The following CPT1C variants were observed in gnomAD, a reference collection of about 807,000 sequenced individuals.
CPT1C encodes the protein palmitoyl thioesterase CPT1C.
CPT1C carries 61 observed loss-of-function variants against 97.3 expected under a neutral mutation model. That is an observed-to-expected ratio of 0.63 (90% CI 0.51 to 0.78). The LOEUF is 0.78. Among genes scored for constraint, CPT1C ranks in the 30% least tolerant of loss-of-function variants. The pLI, the probability that CPT1C is intolerant of heterozygous loss-of-function variation, is 0.00. For synonymous variants in CPT1C, 469 were observed against 447.2 expected (o/e 1.05, Z -0.61); for missense variants, 975 against 1,065.5 (o/e 0.92, Z 1.18).
At chr19:49,697,550 T>G in intron 4 of CPT1C, 85 bp downstream of exon 4, 2 of 1,451,852 alleles carry the variant, frequency 1.4e-6, no homozygotes, top group East Asian at 2.3e-5. Context: ...GTGTACCTGC[T>G]AAAGAAAAGT....
Position 49,713,075 on chromosome 19 carries a change from C to G in CPT1C, c.2226+11C>G, listed in dbSNP as rs752712446. On this transcript the variant is annotated intron_variant, in intron 19 of 19. Coordinates refer to ENST00000598293, the MANE Select transcript of CPT1C (RefSeq NM_001199753.2). Reference sequence around the variant, plus strand: ...TCAAGCACAAAAACGGTGAGACAAACGTGTATACCCACCAACTCCCTCTTT... The same window carrying G: ...TCAAGCACAAAAACGGTGAGACAAAGGTGTATACCCACCAACTCCCTCTTT... 5 of 1,603,496 alleles carry G rather than the reference C, an allele frequency of 3.1e-6. No individual in the cohort carries two copies. Among genetic ancestry groups the G allele is most frequent in the South Asian group, 2.2e-5 (2 of 90,840 alleles).
At chr19:49,702,110 ATATTTATT>A (rs1189976267) in intron 7 of CPT1C, among the ~76,000 whole-genome samples, 1 of 31,760 alleles carries the variant, frequency 3.1e-5, no homozygotes, top group Admixed American at 3.8e-4. Context: ...TTATAAATAT[ATATTTATT>A]TATTTATAAA....
rs1232717963 is a variant in CPT1C at position 49,706,059 on chromosome 19, C to T, written c.1115C>T (p.Ala372Val). 1 of 1,613,880 alleles carries T rather than the reference C, an allele frequency of 6.2e-7. No homozygotes were observed. Among genetic ancestry groups the T allele is most frequent in the South Asian group, 1.1e-5 (1 of 91,056 alleles). Residue 372 changes from alanine (A) to valine (V), a missense_variant, in exon 11 of 20, where the codon GCC becomes GTC. Physicochemically the swap from Ala to Val is moderately conservative, Grantham distance 64. This residue lies in a region of CPT1C where 596 missense variants were observed against 603.1 expected (regional missense o/e 0.99). Coordinates refer to ENST00000598293, the MANE Select transcript of CPT1C (RefSeq NM_001199753.2). The surrounding 1 kb of genome is among the most constrained non-coding windows in gnomAD (Gnocchi z 4.8). ...AGAATCCTGGATGATCCCTCACCGG[C>T]CTGCCCCCACGAGGAACATCTGGCA... ...FQRILDDPSP[A>V]CPHEEHLAAL...
chr19:49,706,479 C>T lies in CPT1C; in HGVS notation c.1343+66C>T. 3 of 1,338,642 alleles carry T rather than the reference C, an allele frequency of 2.2e-6. No homozygotes were observed. The highest frequency in any genetic ancestry group is 2.9e-6 in the Non-Finnish European group (3 of 1,033,086). The allele number at this position is 1,338,642 out of a possible 1,614,324, so 82.9% of individuals were successfully genotyped here. On this transcript the variant is annotated intron_variant, in intron 12 of 19. Coordinates refer to ENST00000598293, the MANE Select transcript of CPT1C (RefSeq NM_001199753.2). This position sits in a 1 kb window ranked among gnomAD's most constrained non-coding sequence, Gnocchi z 4.8. ...GAGAATCCAGTATCAGACCTAGGAC[C>T]CCTGACAGTAGACAGCCAGACCCTG...
At chr19:49,711,047 C>A in intron 16 of CPT1C, 190 bp downstream of exon 16, 2 of 535,638 alleles carry the variant, frequency 3.7e-6, no homozygotes, top group Non-Finnish European at 6.4e-6. Flanking sequence ...GTGATATCTG[C>A]TTTCATGGTG....
At chr19:49,710,049 T>C (rs1201917422) in intron 14 of CPT1C, among the ~76,000 whole-genome samples, 1 of 152,026 alleles carries the variant, frequency 6.6e-6, no homozygotes, top group East Asian at 1.9e-4. Context: ...GGTTTCATCA[T>C]GTTGGTCAGG....
intron 3 of CPT1C, among the ~76,000 whole-genome samples, chr19:49,694,559 G>A (rs889240563): frequency 6.6e-6 from 1 of 150,970 alleles, no homozygotes; most frequent in African/African-American, 2.4e-5. Flanking sequence ...AATCCAGGAG[G>A]CAGAGATTGC....
intron 3 of CPT1C, 117 bp from the exon 4 acceptor site, chr19:49,697,209 C>A: frequency 7.6e-7 from 1 of 1,323,854 alleles, no homozygotes; most frequent in Non-Finnish European, 1.1e-6. Flanking sequence ...CCTACTAGAT[C>A]TTGAGCCTCC....
Position 49,704,741 on chromosome 19 carries a change from T to C in CPT1C, c.725T>C (p.Leu242Pro), listed in dbSNP as rs1357290500. ...GACTGGTGGGAGGAATTTGTGTACC[T>C]GCGCTCCCGAAATCCGCTGATGGTG... The part of the protein sequence containing the change: ...VSDWWEEFVY[L>P]RSRNPLMVNS... The change falls in exon 8 of 20, where the codon CTG becomes CCG. Residue 242 changes from leucine (L) to proline (P), a missense_variant. By Grantham distance (98) the Leu-to-Pro change is moderately conservative (BLOSUM62 -3). This residue lies in a region of CPT1C where 596 missense variants were observed against 603.1 expected (regional missense o/e 0.99). Transcript: ENST00000598293. 2 of 1,613,966 alleles carry C rather than the reference T, an allele frequency of 1.2e-6. No individual in the cohort carries two copies. Among genetic ancestry groups the C allele is most frequent in the Non-Finnish European group, 8.5e-7 (1 of 1,179,964 alleles).
chr19:49,706,294 G>A lies in CPT1C; in HGVS notation c.1224G>A (p.Val408=). The A allele has an allele frequency of 6.5e-7, 1 of 1,536,570 alleles. No homozygotes were observed. Among genetic ancestry groups the A allele is most frequent in the Non-Finnish European group, 8.7e-7 (1 of 1,145,592 alleles). The change falls in exon 12 of 20, where the codon GTG becomes GTA. Residue 408 remains valine (V), a synonymous_variant. Transcript: ENST00000598293. The surrounding 1 kb of genome is among the most constrained non-coding windows in gnomAD (Gnocchi z 4.8). The part of the protein sequence containing the change: ...KTQAAEALEA[V]EGAAFFVSLD... ...AGGCAGCGGAGGCCCTGGAGGCGGTGGAAGGGGCCGCTTTCTTTGTGTCAC... is the reference window on the plus strand; with the variant it reads ...AGGCAGCGGAGGCCCTGGAGGCGGTAGAAGGGGCCGCTTTCTTTGTGTCAC...
chr19:49,703,833 A>G (rs1258364142), intron 7 of CPT1C, among the ~76,000 whole-genome samples: 1 of 151,578 alleles, frequency 6.6e-6, no homozygotes, highest in African/African-American at 2.4e-5. Context: ...GGGTCTTGCT[A>G]TGTTGCACAG....
chr19:49,699,973 C>T (rs911701775), intron 4 of CPT1C, among the ~76,000 whole-genome samples: 1 of 144,548 alleles, frequency 6.9e-6, no homozygotes, highest in African/African-American at 2.6e-5. Flanking sequence ...ACATGCCGGG[C>T]GTGGTGGCTC....
At chr19:49,705,871 C>T in intron 10 of CPT1C, 38 bp from the exon 11 acceptor site, 1 of 1,568,078 alleles carries the variant, frequency 6.4e-7, no homozygotes, top group Non-Finnish European at 8.7e-7. Flanking sequence ...ATGTGTCTGG[C>T]CTTCCTGCCC....
intron 3 of CPT1C, 69 bp from the exon 4 acceptor site, chr19:49,697,257 G>C: frequency 6.3e-6 from 10 of 1,599,946 alleles, no homozygotes; most frequent in Non-Finnish European, 8.5e-6. Context: ...GTAATGTCTG[G>C]GGATGGCACA....
chr19:49,705,444 G>C (rs1215938863), intron 10 of CPT1C, 146 bp downstream of exon 10: 3 of 682,764 alleles, frequency 4.4e-6, no homozygotes, highest in Admixed American at 6.1e-5. Context: ...CTGAGCCTCA[G>C]CTTCCACTAA....
chr19:49,702,007 A>AAT (rs2083137565), intron 7 of CPT1C, among the ~76,000 whole-genome samples: 1 of 42,218 alleles, frequency 2.4e-5, no homozygotes, highest in Non-Finnish European at 3.8e-5. Flanking sequence ...AAATATATTA[A>AAT]ATATATTTAT....
chr19:49,710,128 G>T (rs1319240362), intron 14 of CPT1C, among the ~76,000 whole-genome samples, 192 bp from the exon 15 acceptor site: 2 of 152,098 alleles, frequency 1.3e-5, no homozygotes, highest in South Asian at 4.1e-4. Flanking sequence ...GATTACAGGC[G>T]TGCGCCACCA....
chr19:49,711,640 G>A (rs943769752), intron 16 of CPT1C, 169 bp from the exon 17 acceptor site: 1 of 720,492 alleles, frequency 1.4e-6, no homozygotes, highest in Non-Finnish European at 2.2e-6. Flanking sequence ...TGTGAACCTG[G>A]CCAAATGATT....
rs768602342 is a variant in CPT1C at position 49,701,410 on chromosome 19, G to A, written c.547G>A (p.Val183Met). ...GCCCGTGCCCTCTGTGCAGGACACC[G>A]TGCGCAAGGTGGGCCTGGGAGCGCG... ...RQPVPSVQDTVRKYLESVRPI... is the reference protein window; with the variant it reads ...RQPVPSVQDTMRKYLESVRPI... Residue 183 changes from valine to methionine, a missense_variant, in exon 6 of 20, where the codon GTG (valine) becomes ATG (methionine). Val to Met is a conservative substitution (Grantham distance 21). This residue lies in a region of CPT1C where 596 missense variants were observed against 603.1 expected (regional missense o/e 0.99). Coordinates refer to ENST00000598293, the MANE Select transcript of CPT1C (RefSeq NM_001199753.2). 3.1e-6 allele frequency: 5 copies of A among 1,609,112 alleles called. No individual in the cohort carries two copies. Among genetic ancestry groups the A allele is most frequent in the East Asian group, 4.5e-5 (2 of 44,694 alleles).
Sources: allele counts gnomAD v4.1 joint callset (sites outside exome capture counted in the v4.1 genomes callset), GRCh38; gene constraint gnomAD v4.1.1; regional missense constraint gnomAD v4.1.1; non-coding constraint Gnocchi (gnomAD v3.1); transcripts MANE v1.5; gene names NCBI Gene and HGNC (gene_info 2026-07-23, HGNC 2026-07-21).